Variants in PDE1A observed in about 807,000 individuals in gnomAD.
PDE1A encodes phosphodiesterase 1A, also known as dual specificity calcium/calmodulin-dependent 3',5'-cyclic nucleotide phosphodiesterase 1A.
PDE1A carries 35 observed loss-of-function variants against 61.7 expected under a neutral mutation model. The ratio of observed to expected loss-of-function variants is 0.57; its 90% CI spans 0.43 to 0.75. PDE1A has a LOEUF of 0.75. PDE1A is among the 30% of genes least tolerant of loss of function. The probability of loss-of-function intolerance (pLI) is 0.00; values close to 1 mark genes in which losing one functional copy is unlikely to be tolerated. For missense variants in PDE1A, 597 were observed against 630.6 expected, an observed-to-expected ratio of 0.95 and a Z score of 0.57; for synonymous variants, 232 against 213.2, an observed-to-expected ratio of 1.09 and a Z score of -0.77.
chr2:182,549,983 C>T, the PDE1A span, among the ~76,000 whole-genome samples: 110 of 152,184 alleles, frequency 7.2e-4, no homozygotes, highest in African/African-American at 2.6e-3. Flanking sequence ...TTTATTTTCA[C>T]CTTCATAGTC....
chr2:182,438,790 T>C (rs1684606855), intron 2 of PDE1A, among the ~76,000 whole-genome samples: 1 of 152,004 alleles, frequency 6.6e-6, no homozygotes, highest in Non-Finnish European at 1.5e-5. Flanking sequence ...GCTGAGACTA[T>C]ATCCAATAGG....
the PDE1A span, among the ~76,000 whole-genome samples, chr2:182,579,481 T>C: frequency 6.6e-6 from 1 of 152,172 alleles, no homozygotes; most frequent in East Asian, 1.9e-4. Flanking sequence ...GCGAGACAAA[T>C]ATCTAAAAAT....
At chr2:182,558,116 T>C in the PDE1A span, among the ~76,000 whole-genome samples, 6 of 152,188 alleles carry the variant, frequency 3.9e-5, no homozygotes, top group Admixed American at 3.9e-4. Flanking sequence ...TGTATATCAT[T>C]TTGTAGGATT....
At chr2:182,481,532 A>G (rs1169318468) in intron 2 of PDE1A, among the ~76,000 whole-genome samples, 4 of 151,946 alleles carry the variant, frequency 2.6e-5, no homozygotes, top group Non-Finnish European at 4.4e-5. Flanking sequence ...TTAACTCAAA[A>G]TGGTAATGAC....
At chr2:182,581,445 G>A in the PDE1A span, among the ~76,000 whole-genome samples, 2 of 152,122 alleles carry the variant, frequency 1.3e-5, no homozygotes, top group African/African-American at 4.8e-5. Context: ...CCAATGAAGG[G>A]CCTTTGCACA....
At chr2:182,414,772 G>C (rs1001480960) in intron 1 of PDE1A, among the ~76,000 whole-genome samples, 5 of 152,118 alleles carry the variant, frequency 3.3e-5, no homozygotes, top group Non-Finnish European at 7.4e-5. Flanking sequence ...TGAGCTAGTA[G>C]AGAGAGTGGG....
intron 1 of PDE1A, among the ~76,000 whole-genome samples, chr2:182,295,953 C>T (rs1694856721): frequency 6.6e-6 from 1 of 152,038 alleles, no homozygotes; most frequent in Non-Finnish European, 1.5e-5. Context: ...TTGCTAGATA[C>T]TAGAAATTTA....
the PDE1A span, among the ~76,000 whole-genome samples, chr2:182,531,238 G>A: frequency 6.6e-6 from 1 of 151,482 alleles, no homozygotes; most frequent in African/African-American, 2.4e-5. Context: ...AAAAACAGAA[G>A]AAAAAACAAG....
upstream of PDE1A, among the ~76,000 whole-genome samples, chr2:182,427,992 G>A (rs1208904262): frequency 6.6e-6 from 1 of 152,092 alleles, no homozygotes; most frequent in African/African-American, 2.4e-5. Flanking sequence ...GTAGTTATTG[G>A]CACTCTCCAA....
intron 1 of PDE1A, among the ~76,000 whole-genome samples, chr2:182,382,406 G>C (rs1574503128): frequency 6.6e-6 from 1 of 152,308 alleles, no homozygotes; most frequent in East Asian, 1.9e-4. Context: ...GCAAGTAAAT[G>C]GAGACTTCAC....
At chr2:182,440,730 T>C (rs189903827) in intron 2 of PDE1A, among the ~76,000 whole-genome samples, 73 of 152,220 alleles carry the variant, frequency 4.8e-4, no homozygotes, top group African/African-American at 1.5e-3. Context: ...GTTTAAAATA[T>C]TCTTTATTTT....
chr2:182,561,101 T>G, the PDE1A span, among the ~76,000 whole-genome samples: 3 of 146,116 alleles, frequency 2.1e-5, no homozygotes, highest in African/African-American at 7.4e-5. Context: ...TTGCCATTGC[T>G]TTTGGTGTTT....
the PDE1A span, among the ~76,000 whole-genome samples, chr2:182,621,617 T>G: frequency 2.6e-5 from 4 of 150,968 alleles, no homozygotes; most frequent in Non-Finnish European, 4.4e-5. Flanking sequence ...ATACAAATAA[T>G]TCCTTGTTTT....
At chr2:182,322,676 T>C (rs1048881363) in intron 1 of PDE1A, among the ~76,000 whole-genome samples, 5 of 152,238 alleles carry the variant, frequency 3.3e-5, no homozygotes, top group African/African-American at 1.2e-4. Context: ...TAAAAAGTTA[T>C]GTGATTCACC....
chr2:182,348,128 G>T (rs1473311183), intron 1 of PDE1A, among the ~76,000 whole-genome samples: 1 of 152,120 alleles, frequency 6.6e-6, no homozygotes, highest in Non-Finnish European at 1.5e-5. Context: ...CTACTACTTG[G>T]CTATAATCAC....
chr2:182,640,361 T>C, the PDE1A span, among the ~76,000 whole-genome samples: 1 of 152,192 alleles, frequency 6.6e-6, no homozygotes, highest in African/African-American at 2.4e-5. Flanking sequence ...AATCAGAATG[T>C]AAATATTACA....
chr2:182,220,787 T>C (rs1367114056), intron 7 of PDE1A, among the ~76,000 whole-genome samples: 2 of 152,008 alleles, frequency 1.3e-5, no homozygotes, highest in East Asian at 1.9e-4. Context: ...AAAAACACTC[T>C]CAATCCAAGT....
the PDE1A span, among the ~76,000 whole-genome samples, chr2:182,699,140 A>C: frequency 6.6e-6 from 1 of 152,232 alleles, no homozygotes; most frequent in Non-Finnish European, 1.5e-5. Flanking sequence ...CAAGGTAAAA[A>C]GGGATAGGTG....
intron 1 of PDE1A, among the ~76,000 whole-genome samples, chr2:182,354,299 G>A (rs956895437): frequency 6.6e-6 from 1 of 152,148 alleles, no homozygotes; most frequent in Non-Finnish European, 1.5e-5. Context: ...GTGACTGTCA[G>A]TAGACATTCC....
Sources: gnomAD v4.1 joint callset for allele counts (sites outside exome capture counted in the v4.1 genomes callset) on GRCh38, gnomAD v4.1.1 for gene constraint, MANE v1.5 for transcripts, NCBI Gene and HGNC (gene_info 2026-07-23, HGNC 2026-07-21) for gene names.